RABGAP1L: variants seen among roughly 807,000 people sequenced by gnomAD.
RABGAP1L encodes RAB GTPase activating protein 1 like.
Under a neutral mutation model 137.7 loss-of-function variants are expected in RABGAP1L, and 63 were observed. That is an observed-to-expected ratio of 0.46 (90% CI 0.37 to 0.56). The LOEUF (loss-of-function observed/expected upper bound fraction) is 0.56. Among genes scored for constraint, RABGAP1L ranks in the 20% least tolerant of loss-of-function variants. RABGAP1L has a pLI of 0.00. For missense variants in RABGAP1L, 1,095 were observed against 1,244.0 expected (o/e 0.88, Z 1.80); for synonymous variants, 431 against 433.7 (o/e 0.99, Z 0.08).
chr1:174,601,911 C>T (rs1015344693), intron 13 of RABGAP1L, among the ~76,000 whole-genome samples: 2 of 152,138 alleles, frequency 1.3e-5, no homozygotes, highest in African/African-American at 4.8e-5. Flanking sequence ...TAAGAGTCAC[C>T]TTTGCCCCAT....
At chr1:174,329,737 TTCAATTGATA>T (rs1232696954) in intron 11 of RABGAP1L, among the ~76,000 whole-genome samples, 1 of 152,150 alleles carries the variant, frequency 6.6e-6, no homozygotes, top group Non-Finnish European at 1.5e-5. Context: ...ATGTGGTCAT[TTCAATTGATA>T]CAGAGAGAGC....
rs1553267200 is a variant in RABGAP1L, at chr1:174,863,241, A to AAAAAAAG, written c.2340+51287_2340+51288insGAAAAAA. Among the ~76,000 whole-genome samples the AAAAAAAG allele has an allele frequency of 1.2e-3, 177 of 148,598 alleles. 6 individuals are homozygous for AAAAAAAG. Among genetic ancestry groups the AAAAAAAG allele is most frequent in the African/African-American group, 2.9e-3 (119 of 40,504 alleles). Reference sequence around the variant, plus strand: ...ACATGAGTTGTTTGTAGCAAAAAAAAAAAAAAAGAAAAACAGTATATTTAA... The same window carrying AAAAAAAG: ...ACATGAGTTGTTTGTAGCAAAAAAAAAAAAAAGAAAAAAAGAAAAACAGTATATTTAA... On this transcript the variant is annotated intron_variant, in intron 19 of 25. Transcript: ENST00000681986.
intron 11 of RABGAP1L, among the ~76,000 whole-genome samples, chr1:174,335,368 T>C (rs921382723): frequency 6.6e-6 from 1 of 152,168 alleles, no homozygotes; most frequent in African/African-American, 2.4e-5. Context: ...GTAATTTAAC[T>C]AAAAAGGGAT....
At chr1:174,968,823 C>T (rs1423979408) in intron 20 of RABGAP1L, among the ~76,000 whole-genome samples, 2 of 152,112 alleles carry the variant, frequency 1.3e-5, no homozygotes, top group African/African-American at 4.8e-5. Flanking sequence ...AATATGAACC[C>T]TGTCTTAGAA....
chr1:174,383,446 C>T (rs1017295870), intron 12 of RABGAP1L, among the ~76,000 whole-genome samples: 11 of 151,918 alleles, frequency 7.2e-5, no homozygotes, highest in Non-Finnish European at 1.6e-4. Flanking sequence ...AGCGAGATTC[C>T]GTTGGCGTAG....
At chr1:174,333,542 T>G (rs1681219041) in intron 11 of RABGAP1L, among the ~76,000 whole-genome samples, 2 of 152,226 alleles carry the variant, frequency 1.3e-5, no homozygotes, top group South Asian at 4.1e-4. Context: ...AAGTGACGAT[T>G]AAAGTGGATT....
chr1:174,544,363 T>C (rs1665795128), intron 13 of RABGAP1L, among the ~76,000 whole-genome samples: 1 of 152,234 alleles, frequency 6.6e-6, no homozygotes, highest in Non-Finnish European at 1.5e-5. Flanking sequence ...CAATCACTGA[T>C]ACCCTTTCTT....
At position 174,811,970 on chromosome 1, in the gene RABGAP1L, T is replaced by C; in HGVS notation, c.2340+10T>C. 2.5e-6 allele frequency: 4 copies of C among 1,576,590 alleles called. No individual in the cohort carries two copies. The highest frequency in any genetic ancestry group is 3.4e-6 in the Non-Finnish European group (4 of 1,165,274). ...GGCTTGCAATATTAAAGTAAGAACA[T>C]GAGTTTTTATATAATAAAGGTAAAA... On this transcript the variant is annotated intron_variant, in intron 19 of 25. Transcript: ENST00000681986.
intron 18 of RABGAP1L, among the ~76,000 whole-genome samples, chr1:174,809,337 T>C (rs1689638603): frequency 6.6e-6 from 1 of 152,188 alleles, no homozygotes; most frequent in South Asian, 2.1e-4. Context: ...CCCACCCTGG[T>C]GGGAACCCCA....
At chr1:174,625,911 T>C (rs1672910052) in intron 13 of RABGAP1L, among the ~76,000 whole-genome samples, 2 of 152,190 alleles carry the variant, frequency 1.3e-5, no homozygotes. Flanking sequence ...ATAATAAACA[T>C]GGAGCTCTTT....
chr1:174,510,026 A>G (rs1330458074), intron 13 of RABGAP1L, among the ~76,000 whole-genome samples: 2 of 152,154 alleles, frequency 1.3e-5, no homozygotes, highest in South Asian at 2.1e-4. Context: ...TCACCAGTCC[A>G]TTCTACCCAC....
intron 13 of RABGAP1L, among the ~76,000 whole-genome samples, chr1:174,510,278 A>T (rs928545253): frequency 5.9e-5 from 9 of 152,334 alleles, no homozygotes; most frequent in South Asian, 2.1e-4. Flanking sequence ...CATAATACGT[A>T]ACCTTCATGA....
chr1:174,782,920 A>C (rs1361426649), intron 18 of RABGAP1L, among the ~76,000 whole-genome samples: 1 of 152,230 alleles, frequency 6.6e-6, no homozygotes, highest in Non-Finnish European at 1.5e-5. Context: ...ATTGGGATAT[A>C]AACCCCAGGC....
chr1:174,896,659 G>T (rs559756883), intron 19 of RABGAP1L, among the ~76,000 whole-genome samples: 1 of 152,226 alleles, frequency 6.6e-6, no homozygotes, highest in South Asian at 2.1e-4. Context: ...TCTATGTATG[G>T]CTAGCCAGTT....
chr1:174,604,995 G>T (rs72715260), intron 13 of RABGAP1L, among the ~76,000 whole-genome samples: 31,820 of 151,936 alleles, frequency 0.21, 3,669 homozygotes, highest in Admixed American at 0.25. Context: ...ACAAAAATTT[G>T]CTGGGCGTGG....
intron 10 of RABGAP1L, among the ~76,000 whole-genome samples, chr1:174,280,115 C>A (rs886886684): frequency 3.6e-5 from 5 of 139,896 alleles, no homozygotes; most frequent in Non-Finnish European, 6.1e-5. Context: ...TGTTAAAATT[C>A]ATGTAAGTAA....
rs1447373619 is a variant in RABGAP1L, at chr1:174,926,358, T to C, written c.2341-31099T>C. ...ATTGAATAGAAGTGTGTTACATTTA[T>C]GAATTGATTATGGAAGAATTGATAT... On this transcript the variant is annotated intron_variant, in intron 19 of 25. Coordinates refer to ENST00000681986, the MANE Select transcript of RABGAP1L (RefSeq NM_001366446.1). 2.0e-5 allele frequency among the ~76,000 whole-genome samples: 3 copies of C among 152,230 alleles called. 1 individual carries two copies. Among genetic ancestry groups the C allele is most frequent in the African/African-American group, 7.2e-5 (3 of 41,464 alleles).
At chr1:174,540,067 G>A (rs1479607249) in intron 13 of RABGAP1L, among the ~76,000 whole-genome samples, 1 of 152,154 alleles carries the variant, frequency 6.6e-6, no homozygotes, top group Non-Finnish European at 1.5e-5. Flanking sequence ...TTTTTCATGT[G>A]TCTTTTGGCT....
chr1:174,962,867 G>C (rs544537000), intron 20 of RABGAP1L, among the ~76,000 whole-genome samples: 55 of 152,282 alleles, frequency 3.6e-4, no homozygotes, highest in African/African-American at 1.3e-3. Flanking sequence ...GGAGGCCAAG[G>C]CAGGTGGATC....
Sources: allele counts gnomAD v4.1 joint callset (sites outside exome capture counted in the v4.1 genomes callset), GRCh38; gene constraint gnomAD v4.1.1; transcripts MANE v1.5; gene names NCBI Gene and HGNC (gene_info 2026-07-23, HGNC 2026-07-21).